Variants in FAF1 observed in about 807,000 individuals in gnomAD.
FAF1 encodes the protein Fas associated factor 1.
A neutral mutation model predicts 92.5 loss-of-function variants in FAF1; 25 were observed. The observed-to-expected ratio is 0.27, with a 90% CI of 0.20 to 0.38. The LOEUF (loss-of-function observed/expected upper bound fraction) is 0.38. FAF1 is among the 10% of genes least tolerant of loss of function. The pLI is 1.00. For synonymous variants in FAF1, 234 were observed against 273.2 expected (o/e 0.86, Z 1.42); for missense variants, 636 against 793.3 (o/e 0.80, Z 2.38).
At chr1:50,657,948 G>A (rs1655199158) in intron 7 of FAF1, among the ~76,000 whole-genome samples, 1 of 152,084 alleles carries the variant, frequency 6.6e-6, no homozygotes, top group Non-Finnish European at 1.5e-5. Flanking sequence ...GCAATATTTT[G>A]TTTATAGTCA....
At chr1:50,527,701 T>C (rs1572809629) in intron 15 of FAF1, among the ~76,000 whole-genome samples, 1 of 152,216 alleles carries the variant, frequency 6.6e-6, no homozygotes, top group East Asian at 1.9e-4. Flanking sequence ...ATCTCTCTAG[T>C]AGTGTTCACA....
chr1:50,452,858 G>T lies in FAF1; in HGVS notation c.1870-11335C>A, dbSNP rs972754211. Among the ~76,000 whole-genome samples, 8 of 152,208 alleles carry T rather than the reference G, an allele frequency of 5.3e-5. No individual in the cohort carries two copies. In the South Asian group the frequency reaches 8.3e-4, roughly 16 times the overall value. ...TAAGTCATTTAACCTCTTACCATGA[G>T]ATAAGATCCAAATTTCTCATCTGTA... On this transcript the variant is annotated intron_variant, in intron 18 of 18. Transcript: ENST00000396153.
At chr1:50,828,259 CT>C (rs61047986) in intron 2 of FAF1, among the ~76,000 whole-genome samples, 1,514 of 139,308 alleles carry the variant, frequency 0.011, 20 homozygotes, top group African/African-American at 0.032. Flanking sequence ...AGGGTCTTTT[CT>C]TTTTTTTTTT....
chr1:50,604,304 T>TA (rs756200074), intron 8 of FAF1, among the ~76,000 whole-genome samples: 4 of 152,174 alleles, frequency 2.6e-5, no homozygotes, highest in Admixed American at 6.5e-5. Flanking sequence ...AGCCTTCTCT[T>TA]AAACTTCTAT....
At chr1:50,533,160 A>G (rs939394058) in intron 15 of FAF1, among the ~76,000 whole-genome samples, 1 of 152,010 alleles carries the variant, frequency 6.6e-6, no homozygotes, top group African/African-American at 2.4e-5. Flanking sequence ...CTGGAATACA[A>G]TGGCATGAAC....
chr1:50,758,525 G>A (rs867653597), intron 4 of FAF1, among the ~76,000 whole-genome samples: 2 of 152,118 alleles, frequency 1.3e-5, no homozygotes, highest in Non-Finnish European at 2.9e-5. Flanking sequence ...ACTTTTAAAT[G>A]TCAATTCTCA....
intron 1 of FAF1, among the ~76,000 whole-genome samples, chr1:50,885,829 T>C (rs933401904): frequency 3.3e-5 from 5 of 152,200 alleles, no homozygotes; most frequent in Non-Finnish European, 5.9e-5. Context: ...AATTTCTTGC[T>C]CTTTCTTTCT....
intron 13 of FAF1, among the ~76,000 whole-genome samples, chr1:50,557,973 T>C (rs1315239495): frequency 6.6e-6 from 1 of 151,976 alleles, no homozygotes; most frequent in Non-Finnish European, 1.5e-5. Flanking sequence ...AGTGCAGTGG[T>C]GCAATCTCGG....
At chr1:50,536,644 G>A (rs1311070053) in intron 14 of FAF1, among the ~76,000 whole-genome samples, 1 of 152,092 alleles carries the variant, frequency 6.6e-6, no homozygotes, top group Non-Finnish European at 1.5e-5. Flanking sequence ...TGAGTTACAG[G>A]ACAAATGCTA....
In FAF1 at chr1:50,959,735, A is replaced by C. The variant is rs1645299965; in HGVS notation, c.45+32T>G. On this transcript the variant is annotated intron_variant, in intron 1 of 18. Coordinates refer to ENST00000396153, the MANE Select transcript of FAF1 (RefSeq NM_007051.3). The stretch of plus-strand genomic sequence containing the variant: ...TGGCACCGGAAACCCACGAGGTTGG[A>C]AGTGGGAGGGGAAGAGGGCCAGATA... 5.0e-6 allele frequency: 8 copies of C among 1,588,876 alleles called. No individual in the cohort carries two copies. In the East Asian group the frequency reaches 1.9e-4, roughly 37 times the overall value.
intron 8 of FAF1, among the ~76,000 whole-genome samples, chr1:50,638,064 G>C (rs983134820): frequency 2.0e-5 from 3 of 152,028 alleles, no homozygotes; most frequent in Non-Finnish European, 4.4e-5. Flanking sequence ...TTTTTGGATA[G>C]AATTGCGAGT....
chr1:50,550,008 A>T (rs548769473), intron 13 of FAF1, among the ~76,000 whole-genome samples: 158 of 152,220 alleles, frequency 1.0e-3, no homozygotes, highest in African/African-American at 3.5e-3. Context: ...ATTTACACAT[A>T]ATGTCCTCAT....
intron 1 of FAF1, among the ~76,000 whole-genome samples, chr1:50,903,128 C>G (rs1644809420): frequency 6.6e-6 from 1 of 151,662 alleles, no homozygotes; most frequent in African/African-American, 2.4e-5. Flanking sequence ...TCTTTTTATC[C>G]CCAGTGCACA....
chr1:50,661,924 G>A lies in FAF1; in HGVS notation c.658-6396C>T, dbSNP rs150172172. Reference sequence around the variant, plus strand: ...GCACATGGATTTGTTTTACTAAGATGCAAGTTAAAACCCTCCTTAAAATCC... The same window carrying A: ...GCACATGGATTTGTTTTACTAAGATACAAGTTAAAACCCTCCTTAAAATCC... On this transcript the variant is annotated intron_variant, in intron 7 of 18. Coordinates refer to ENST00000396153, the MANE Select transcript of FAF1 (RefSeq NM_007051.3). 8.5e-3 allele frequency among the ~76,000 whole-genome samples: 1,301 copies of A among 152,252 alleles called. 18 individuals are homozygous for A. The highest frequency in any genetic ancestry group is 0.029 in the African/African-American group (1,204 of 41,540).
In FAF1 at chr1:50,441,369, G is replaced by C; in HGVS notation, c.*71C>G. 1.1e-6 allele frequency: 1 copy of C among 931,642 alleles called. No homozygotes were observed. The highest frequency in any genetic ancestry group is 1.8e-5 in the South Asian group (1 of 55,410). 57.7% of individuals were successfully genotyped at this position (931,642 alleles called of 1,614,324 possible). The stretch of plus-strand genomic sequence containing the variant: ...GTGAGACGAGCGTGTGGGTGGGTTG[G>C]CGAGGAGCCCTTCTCCTGACGCAGG... On this transcript the variant is annotated 3_prime_UTR_variant, in exon 19 of 19. Transcript: ENST00000396153.
chr1:50,661,280 G>A (rs1301767095), intron 7 of FAF1, among the ~76,000 whole-genome samples: 3 of 152,060 alleles, frequency 2.0e-5, no homozygotes, highest in Non-Finnish European at 4.4e-5. Context: ...CATCAAAGTG[G>A]TTATATGATT....
chr1:50,709,418 T>C (rs772634602), intron 6 of FAF1, among the ~76,000 whole-genome samples: 5 of 152,234 alleles, frequency 3.3e-5, no homozygotes, highest in Non-Finnish European at 5.9e-5. Flanking sequence ...AGTAGCACAC[T>C]AGAAGGTGAT....
Position 50,836,951 on chromosome 1 carries a change from C to CTTTTTTTTT in FAF1, c.114+20969_114+20977dup, listed in dbSNP as rs528322924. Among the ~76,000 whole-genome samples the CTTTTTTTTT allele has an allele frequency of 4.3e-4, 33 of 76,682 alleles. 1 individual carries two copies. The highest frequency in any genetic ancestry group is 7.9e-4 in the East Asian group (2 of 2,538). The allele number at this position is 76,682 out of a possible 152,430, so 50.3% of individuals were successfully genotyped here. A position where few individuals can be genotyped will look rare whatever the true frequency, so the allele number is the denominator to read the frequency against. ...TCTCTTACAAGTGTATGTTATGTTT[C>CTTTTTTTTT]TTTTTTTTTTTTTTTTTTTTTTTTG... is the stretch of plus-strand genomic sequence containing the variant. On this transcript the variant is annotated intron_variant, in intron 2 of 18. Transcript: ENST00000396153.
chr1:50,892,159 G>C (rs772884505), intron 1 of FAF1, among the ~76,000 whole-genome samples: 2 of 152,226 alleles, frequency 1.3e-5, no homozygotes, highest in Non-Finnish European at 2.9e-5. Context: ...CTCCAAGCCA[G>C]GAGTGGGATA....
Sources: allele counts gnomAD v4.1 joint callset (sites outside exome capture counted in the v4.1 genomes callset), GRCh38; gene constraint gnomAD v4.1.1; transcripts MANE v1.5; gene names NCBI Gene and HGNC (gene_info 2026-07-23, HGNC 2026-07-21).